CPNE8: variants seen among roughly 807,000 people sequenced by gnomAD.
CPNE8 encodes copine 8.
In CPNE8, 45 loss-of-function variants were observed where a neutral mutation model predicts 81.5. The observed-to-expected ratio is 0.55, with a 90% CI of 0.44 to 0.71. The LOEUF is 0.71. Ranked by LOEUF, CPNE8 falls within the 30% of genes least tolerant of loss-of-function variation. The pLI, the probability that CPNE8 is intolerant of heterozygous loss-of-function variation, is 0.00. For synonymous variants in CPNE8, 252 were observed against 226.3 expected, an observed-to-expected ratio of 1.11 and a Z score of -1.02; for missense variants, 594 against 672.1, an observed-to-expected ratio of 0.88 and a Z score of 1.28.
intron 6 of CPNE8, among the ~76,000 whole-genome samples, chr12:38,803,551 A>T (rs1015287857): frequency 1.5e-5 from 2 of 136,622 alleles, no homozygotes; most frequent in African/African-American, 5.2e-5. Flanking sequence ...AGCCAATATC[A>T]TACTGAATGG....
upstream of CPNE8, chr12:38,905,708 A>G (rs1944561604): frequency 1.4e-6 from 2 of 1,443,156 alleles, no homozygotes; most frequent in East Asian, 2.5e-5. Flanking sequence ...GCGCAGAGCC[A>G]CGAGGGAACC....
At chr12:38,671,438 A>G (rs1402690453) in intron 18 of CPNE8, among the ~76,000 whole-genome samples, 1 of 152,174 alleles carries the variant, frequency 6.6e-6, no homozygotes, top group Non-Finnish European at 1.5e-5. Context: ...CATTTCCTAG[A>G]TCAGCTGGTA....
intron 1 of CPNE8, among the ~76,000 whole-genome samples, chr12:38,884,099 TCA>T (rs556683041): frequency 1.2e-3 from 179 of 152,308 alleles, no homozygotes; most frequent in African/African-American, 4.1e-3. Context: ...GATAGTATAT[TCA>T]CAGAGTTGTG....
chr12:38,884,742 T>C (rs930280724), intron 1 of CPNE8, among the ~76,000 whole-genome samples: 1 of 152,190 alleles, frequency 6.6e-6, no homozygotes, highest in African/African-American at 2.4e-5. Flanking sequence ...AAGTAGTCAA[T>C]CCACATACCT....
intron 11 of CPNE8, among the ~76,000 whole-genome samples, chr12:38,729,713 C>T (rs1290337366): frequency 6.6e-6 from 1 of 152,012 alleles, no homozygotes; most frequent in Non-Finnish European, 1.5e-5. Flanking sequence ...GATGCCATAG[C>T]TCAAGGAATA....
rs150105691 is a variant in CPNE8 at position 38,898,459 on chromosome 12, C to T, written c.98+6978G>A. The stretch of plus-strand genomic sequence containing the variant: ...ACTACAGGGTGACTACAATCTTGAA[C>T]CACAGGATCTCAAGAGCTGCAGAGA... On this transcript the variant is annotated intron_variant, in intron 1 of 19. Coordinates refer to ENST00000331366, the MANE Select transcript of CPNE8 (RefSeq NM_153634.3). Among the ~76,000 whole-genome samples the T allele has an allele frequency of 2.6e-5, 4 of 152,230 alleles. No homozygotes were observed. The East Asian group carries it at 7.7e-4, about 29-fold the overall frequency.
chr12:38,772,350 T>G (rs140446097), intron 7 of CPNE8, among the ~76,000 whole-genome samples: 1 of 152,310 alleles, frequency 6.6e-6, no homozygotes, highest in African/African-American at 2.4e-5. Flanking sequence ...CTATAAAGGT[T>G]AATTTCCAAA....
chr12:38,685,392 A>T, intron 16 of CPNE8, 98 bp downstream of exon 16: 1 of 1,346,858 alleles, frequency 7.4e-7, no homozygotes, highest in East Asian at 2.4e-5. Context: ...AAACTAGAAG[A>T]AAACAACTTT....
chr12:38,679,890 A>G (rs1235645223), intron 16 of CPNE8, among the ~76,000 whole-genome samples: 2 of 151,914 alleles, frequency 1.3e-5, no homozygotes, highest in East Asian at 3.9e-4. Flanking sequence ...CCACACCTCA[A>G]TACTTTTTCT....
At chr12:38,692,084 G>A (rs1939688915) in intron 15 of CPNE8, among the ~76,000 whole-genome samples, 1 of 152,126 alleles carries the variant, frequency 6.6e-6, no homozygotes, top group Admixed American at 6.6e-5. Flanking sequence ...TTGAGCCCAG[G>A]AGTTTGAGAC....
chr12:38,844,192 G>A (rs1474036422), intron 4 of CPNE8, among the ~76,000 whole-genome samples: 1 of 152,022 alleles, frequency 6.6e-6, no homozygotes, highest in Non-Finnish European at 1.5e-5. Flanking sequence ...AATTATCTAG[G>A]TAAGTCATAT....
intron 16 of CPNE8, among the ~76,000 whole-genome samples, chr12:38,679,166 C>T (rs1218747489): frequency 6.6e-6 from 1 of 151,768 alleles, no homozygotes; most frequent in Non-Finnish European, 1.5e-5. Context: ...AACAGTATAG[C>T]TTTTATGCTT....
intron 15 of CPNE8, among the ~76,000 whole-genome samples, chr12:38,687,150 G>C (rs1418818639): frequency 6.6e-6 from 1 of 151,958 alleles, no homozygotes; most frequent in East Asian, 1.9e-4. Context: ...TATATACCAA[G>C]TTTTATACTA....
At chr12:38,793,099 A>G (rs1439945827) in intron 6 of CPNE8, among the ~76,000 whole-genome samples, 1 of 151,846 alleles carries the variant, frequency 6.6e-6, no homozygotes, top group Non-Finnish European at 1.5e-5. Flanking sequence ...TGGTATATGA[A>G]AAGTCCACAG....
At chr12:38,897,519 A>T (rs1222409816) in intron 1 of CPNE8, among the ~76,000 whole-genome samples, 9 of 151,948 alleles carry the variant, frequency 5.9e-5, no homozygotes, top group Non-Finnish European at 1.0e-4. Context: ...CAGACATGGA[A>T]GGTTATATTT....
At chr12:38,822,317 T>C (rs1429095791) in intron 6 of CPNE8, among the ~76,000 whole-genome samples, 1 of 152,146 alleles carries the variant, frequency 6.6e-6, no homozygotes, top group African/African-American at 2.4e-5. Context: ...AACAGACAAA[T>C]AGTTTTTAAT....
intron 1 of CPNE8, among the ~76,000 whole-genome samples, chr12:38,879,013 T>C (rs1157904690): frequency 6.6e-6 from 1 of 152,228 alleles, no homozygotes; most frequent in Non-Finnish European, 1.5e-5. Context: ...CCAGGTACAG[T>C]AATTAGTTCT....
chr12:38,873,289 C>T lies in CPNE8; in HGVS notation c.140-239G>A, dbSNP rs74464981. Among the ~76,000 whole-genome samples the T allele has an allele frequency of 3.0e-3, 458 of 152,134 alleles. 5 individuals carry two copies. The highest frequency in any genetic ancestry group is 9.9e-3 in the African/African-American group (409 of 41,482). ...AGAACTTAGTATGAATTGAGCTTGG[C>T]ACATAAAATAATAAGTACTTGCTAA... On this transcript the variant is annotated intron_variant, in intron 2 of 19. Transcript: ENST00000331366.
intron 6 of CPNE8, among the ~76,000 whole-genome samples, chr12:38,785,357 T>TAA (rs557194605): frequency 4.2e-5 from 6 of 141,210 alleles, no homozygotes; most frequent in African/African-American, 1.3e-4. Flanking sequence ...AATTAACCAA[T>TAA]AAAAAAAAAA....
Sources: allele counts gnomAD v4.1 joint callset (sites outside exome capture counted in the v4.1 genomes callset), GRCh38; gene constraint gnomAD v4.1.1; transcripts MANE v1.5; gene names NCBI Gene and HGNC (gene_info 2026-07-23, HGNC 2026-07-21).